Variants in STK32B observed in about 807,000 individuals in gnomAD.
STK32B encodes the protein serine/threonine kinase 32B.
STK32B carries 43 observed loss-of-function variants against 52.6 expected under a neutral mutation model. The observed-to-expected ratio is 0.82, with a 90% CI of 0.64 to 1.05. The LOEUF is 1.05. Ranked by LOEUF, STK32B falls within the 50% of genes least tolerant of loss-of-function variation. The pLI is 0.00. For synonymous variants in STK32B, 238 were observed against 204.3 expected, an observed-to-expected ratio of 1.17 and a Z score of -1.41; for missense variants, 621 against 534.6, an observed-to-expected ratio of 1.16 and a Z score of -1.59.
intron 6 of STK32B, among the ~76,000 whole-genome samples, chr4:5,443,665 A>T (rs1327466919): frequency 6.6e-6 from 1 of 152,040 alleles, no homozygotes; most frequent in East Asian, 1.9e-4. Context: ...CCTTTGGAGG[A>T]GGAGAGGCGC....
intron 11 of STK32B, among the ~76,000 whole-genome samples, chr4:5,494,765 G>A (rs570511588): frequency 6.6e-6 from 1 of 152,294 alleles, no homozygotes; most frequent in East Asian, 1.9e-4. Flanking sequence ...TTTTAGGGCA[G>A]GCCTGATGGT....
At chr4:5,496,923 C>CAAAG (rs1720314254) in intron 11 of STK32B, among the ~76,000 whole-genome samples, 1 of 151,716 alleles carries the variant, frequency 6.6e-6, no homozygotes, top group South Asian at 2.1e-4. Context: ...AAGTTTTGAA[C>CAAAG]AAAGAGGGTT....
chr4:5,157,711 C>T (rs779736520), intron 2 of STK32B, among the ~76,000 whole-genome samples: 16 of 152,318 alleles, frequency 1.1e-4, no homozygotes, highest in Non-Finnish European at 1.9e-4. Context: ...TGTGTGGTTG[C>T]TCTTTGTAGG....
At chr4:5,182,786 T>C (rs899053757) in intron 3 of STK32B, among the ~76,000 whole-genome samples, 1 of 152,050 alleles carries the variant, frequency 6.6e-6, no homozygotes, top group African/African-American at 2.4e-5. Flanking sequence ...AATAATAAGA[T>C]GTGAAGGTCA....
chr4:5,248,016 C>G (rs1009046227), intron 3 of STK32B, among the ~76,000 whole-genome samples: 2 of 152,142 alleles, frequency 1.3e-5, no homozygotes, highest in African/African-American at 2.4e-5. Flanking sequence ...GCTTACCACT[C>G]TTATTTTCAA....
chr4:5,426,859 GTC>G (rs1380460905), intron 6 of STK32B: 1 of 151,896 alleles, frequency 6.6e-6, no homozygotes, highest in Non-Finnish European at 1.5e-5. Flanking sequence ...TCTTAAAAGA[GTC>G]TTCTTAAATT....
intron 3 of STK32B, among the ~76,000 whole-genome samples, chr4:5,257,781 A>G (rs1726425388): frequency 6.6e-6 from 1 of 152,176 alleles, no homozygotes; most frequent in Non-Finnish European, 1.5e-5. Context: ...TGTCTTTACT[A>G]AAAATACAAA....
At chr4:5,288,208 C>G (rs1002655924) in intron 3 of STK32B, among the ~76,000 whole-genome samples, 1 of 151,958 alleles carries the variant, frequency 6.6e-6, no homozygotes, top group Non-Finnish European at 1.5e-5. Flanking sequence ...AATATTTGGT[C>G]CAGGTTTTTG....
chr4:5,135,549 C>T (rs1560169520), intron 1 of STK32B, among the ~76,000 whole-genome samples: 2 of 152,198 alleles, frequency 1.3e-5, no homozygotes, highest in Non-Finnish European at 2.9e-5. Flanking sequence ...CAACCTGACC[C>T]ACTGAACAAA....
At chr4:5,491,186 A>G (rs1019406421) in intron 11 of STK32B, among the ~76,000 whole-genome samples, 22 of 152,310 alleles carry the variant, frequency 1.4e-4, no homozygotes, top group Non-Finnish European at 2.2e-4. Flanking sequence ...TTACAGTCCC[A>G]CCAACAGTGT....
upstream of STK32B, among the ~76,000 whole-genome samples, chr4:5,048,633 A>C (rs2108748471): frequency 6.6e-6 from 1 of 152,292 alleles, no homozygotes; most frequent in Middle Eastern, 3.4e-3. Flanking sequence ...GGGTTTCACC[A>C]TGTTGGCCAG....
intron 1 of STK32B, among the ~76,000 whole-genome samples, chr4:5,060,186 G>A (rs1408567313): frequency 1.3e-5 from 2 of 152,022 alleles, no homozygotes; most frequent in South Asian, 2.1e-4. Flanking sequence ...GGCTGGTCTC[G>A]AACTCCCAAC....
intron 2 of STK32B, among the ~76,000 whole-genome samples, chr4:5,144,784 T>TCATCCATC (rs112099943): frequency 4.8e-4 from 46 of 95,698 alleles, no homozygotes; most frequent in Middle Eastern, 5.3e-3. Flanking sequence ...ACTCATTCAC[T>TCATCCATC]CATCCATCCA....
intron 3 of STK32B, among the ~76,000 whole-genome samples, chr4:5,215,323 G>A (rs1723121106): frequency 6.6e-6 from 1 of 152,168 alleles, no homozygotes; most frequent in Admixed American, 6.5e-5. Context: ...GGAGTTTAAA[G>A]ATCTTTAGTC....
chr4:5,277,617 A>G (rs906493245), intron 3 of STK32B, among the ~76,000 whole-genome samples: 15 of 152,016 alleles, frequency 9.9e-5, no homozygotes, highest in Admixed American at 2.0e-4. Flanking sequence ...AATTAATAGG[A>G]TGTGTTTTAC....
chr4:5,034,265 C>T, the STK32B span, among the ~76,000 whole-genome samples: 2 of 152,172 alleles, frequency 1.3e-5, no homozygotes, highest in African/African-American at 4.8e-5. Flanking sequence ...AAAAATGAAC[C>T]AGAAAATGTA....
Position 5,051,861 on chromosome 4 carries a change from A to G in STK32B, c.-3A>G, listed in dbSNP as rs1577610215. ...CATGTAGCAGCGGCAGCAACGGCGG[A>G]ATATGGGCGGGAACCACTCCCACAA... On this transcript the variant is annotated 5_prime_UTR_variant, in exon 1 of 12. Transcript: ENST00000282908. 1 of 1,597,620 alleles carries G rather than the reference A, an allele frequency of 6.3e-7. No individual in the cohort carries two copies. Among genetic ancestry groups the G allele is most frequent in the Admixed American group, 1.7e-5 (1 of 58,332 alleles).
chr4:5,405,444 C>A (rs79432953), intron 5 of STK32B, among the ~76,000 whole-genome samples: 4,491 of 152,244 alleles, frequency 0.029, 263 homozygotes, highest in African/African-American at 0.1. Context: ...CCACAAAATT[C>A]AAAGGTTGAA....
At chr4:5,318,249 C>T (rs1455827964) in intron 3 of STK32B, among the ~76,000 whole-genome samples, 1 of 151,968 alleles carries the variant, frequency 6.6e-6, no homozygotes, top group Non-Finnish European at 1.5e-5. Flanking sequence ...TTTATAGGGG[C>T]TTAGAAAAAA....
Sources: gnomAD v4.1 joint callset for allele counts (sites outside exome capture counted in the v4.1 genomes callset) on GRCh38, gnomAD v4.1.1 for gene constraint, MANE v1.5 for transcripts, NCBI Gene and HGNC (gene_info 2026-07-23, HGNC 2026-07-21) for gene names.